The following CERS5 variants were observed in gnomAD, a reference collection of about 807,000 sequenced individuals.
CERS5 encodes ceramide synthase 5.
Under a neutral mutation model 58.9 loss-of-function variants are expected in CERS5, and 37 were observed. The observed-to-expected ratio is 0.63, with a 90% CI of 0.48 to 0.83. The LOEUF (loss-of-function observed/expected upper bound fraction) is 0.83. Among genes scored for constraint, CERS5 ranks in the 40% least tolerant of loss-of-function variants. CERS5 has a pLI of 0.00. For synonymous variants in CERS5, 147 were observed against 177.8 expected (o/e 0.83, Z 1.38); for missense variants, 398 against 489.3 (o/e 0.81, Z 1.76).
Position 50,137,771 on chromosome 12 carries a change from T to C in CERS5, c.593A>G (p.Tyr198Cys), listed in dbSNP as rs762848453. ...YHYYIMELAFYWSLMFSQFTD... is the reference protein window; with the variant it reads ...YHYYIMELAFCWSLMFSQFTD... ...AAACTGAGAAAACATAAGGGACCAA[T>C]AGAAGGCCAATTCCATGATATAATA... Residue 198 changes from tyrosine to cysteine, a missense_variant, in exon 6 of 10, where the codon TAT becomes TGT. Transcript: ENST00000317551. 1.9e-6 allele frequency: 3 copies of C among 1,610,566 alleles called. No individual in the cohort carries two copies. Among genetic ancestry groups the C allele is most frequent in the African/African-American group, 1.3e-5 (1 of 74,908 alleles).
intron 1 of CERS5, among the ~76,000 whole-genome samples, chr12:50,156,437 T>TATATATATATAA (rs1197474516): frequency 0.011 from 1,169 of 108,844 alleles, 105 homozygotes; most frequent in African/African-American, 0.028. Flanking sequence ...TATATATATA[T>TATATATATATAA]AAAACAATTA....
At chr12:50,130,816 AAAG>A (rs1951277486) in intron 9 of CERS5, 122 bp from the exon 10 acceptor site, 1 of 805,288 alleles carries the variant, frequency 1.2e-6, no homozygotes, top group Non-Finnish European at 1.9e-6. Context: ...CATCTAACTC[AAAG>A]AAGTATTGTC....
intron 1 of CERS5, among the ~76,000 whole-genome samples, chr12:50,154,730 A>G (rs553072072): frequency 6.6e-6 from 1 of 152,134 alleles, no homozygotes; most frequent in East Asian, 1.9e-4. Flanking sequence ...AGGTCTTGCT[A>G]TGTTACCCAC....
At chr12:50,132,932 A>G (rs1384976114) in intron 9 of CERS5, 1 of 1,288,730 alleles carries the variant, frequency 7.8e-7, no homozygotes, top group East Asian at 5.5e-5. Flanking sequence ...GACATGCCTC[A>G]CTGAATACTA....
intron 9 of CERS5, chr12:50,132,953 TAC>T: frequency 7.8e-7 from 1 of 1,288,926 alleles, no homozygotes; most frequent in Non-Finnish European, 1.0e-6. Flanking sequence ...GAAGCACAGA[TAC>T]ACTTACATGC....
At chr12:50,153,934 A>T (rs1308628745) in intron 1 of CERS5, 1 of 354,840 alleles carries the variant, frequency 2.8e-6, no homozygotes, top group South Asian at 1.9e-5. Context: ...AGCCTGGGCG[A>T]CAAGAGCAAA....
rs550208844 is a variant in CERS5, at chr12:50,145,862, A to G, written c.198-1805T>C. On this transcript the variant is annotated intron_variant, in intron 1 of 9. Transcript: ENST00000317551. ...AGTTGCTCAGTAACTGACAAGCAAC[A>G]TGTTTTAGTGAAACCCACTCTTGTT... 8.2e-4 allele frequency among the ~76,000 whole-genome samples: 125 copies of G among 152,338 alleles called. 1 individual carries two copies. Among genetic ancestry groups the G allele is most frequent in the Admixed American group, 7.9e-3 (121 of 15,296 alleles).
intron 9 of CERS5, chr12:50,133,136 G>C: frequency 1.6e-6 from 2 of 1,257,590 alleles, no homozygotes; most frequent in Non-Finnish European, 2.1e-6. Flanking sequence ...GGCACACTGA[G>C]CAAGTTCTGA....
In CERS5 at chr12:50,167,164, C is replaced by A. The variant is rs759691404; in HGVS notation, c.134G>T (p.Arg45Leu). The A allele has an allele frequency of 6.3e-7, 1 of 1,598,828 alleles. No individual in the cohort carries two copies. Among genetic ancestry groups the A allele is most frequent in the Admixed American group, 1.7e-5 (1 of 58,466 alleles). ...CAGCGGGAACACCGAGAGGATGTGC[C>A]GGCCGCGGGGGTAACCGTAGCCGTC... Reference protein sequence around the residue: ...PADGYGYPRGRHILSVFPLAA... With the variant: ...PADGYGYPRGLHILSVFPLAA... The change falls in exon 1 of 10, where the codon CGG (arginine) becomes CTG (leucine). Residue 45 changes from arginine (R) to leucine (L), a missense_variant. Around this residue, in one of 3 missense-constraint regions of CERS5, gnomAD observed 328 missense variants for 384.5 expected, o/e 0.85. Transcript: ENST00000317551.
intron 1 of CERS5, chr12:50,166,132 G>T (rs1254033645): frequency 7.7e-6 from 2 of 260,488 alleles, no homozygotes; most frequent in Non-Finnish European, 1.5e-5. Flanking sequence ...AGACCAGCCT[G>T]GCCAACATGG....
intron 1 of CERS5, among the ~76,000 whole-genome samples, chr12:50,161,869 CTTTTTTT>C (rs765766688): frequency 3.0e-5 from 2 of 67,306 alleles, no homozygotes; most frequent in Non-Finnish European, 4.9e-5. Flanking sequence ...TGTTCTTCTT[CTTTTTTT>C]TTTTTTTTTT....
intron 1 of CERS5, among the ~76,000 whole-genome samples, chr12:50,146,409 C>T (rs1308057244): frequency 6.6e-6 from 1 of 152,118 alleles, no homozygotes; most frequent in Non-Finnish European, 1.5e-5. Context: ...CTGCTCACCT[C>T]GGTGAAGCCA....
intron 9 of CERS5, 153 bp downstream of exon 9, chr12:50,134,393 C>T: frequency 1.3e-6 from 2 of 1,581,494 alleles, no homozygotes; most frequent in African/African-American, 1.4e-5. Context: ...AAAGGCAAAA[C>T]ACTTACCGAA....
chr12:50,158,666 G>A (rs1306761274), intron 1 of CERS5, among the ~76,000 whole-genome samples: 1 of 152,112 alleles, frequency 6.6e-6, no homozygotes, highest in East Asian at 1.9e-4. Flanking sequence ...ACTGATTTCT[G>A]GGGAATCAGT....
intron 1 of CERS5, among the ~76,000 whole-genome samples, chr12:50,164,094 G>C (rs1939608431): frequency 6.6e-6 from 1 of 151,488 alleles, no homozygotes; most frequent in African/African-American, 2.4e-5. Context: ...TGAGTAGCTG[G>C]GATTACAGGC....
intron 1 of CERS5, chr12:50,144,831 TA>T: frequency 6.6e-7 from 1 of 1,506,018 alleles, no homozygotes; most frequent in South Asian, 1.2e-5. Flanking sequence ...CCCAAGGATT[TA>T]AATTTTTAAA....
At chr12:50,160,628 C>T (rs1056484155) in intron 1 of CERS5, among the ~76,000 whole-genome samples, 8 of 152,162 alleles carry the variant, frequency 5.3e-5, no homozygotes, top group Non-Finnish European at 1.2e-4. Flanking sequence ...ATAAATGAAC[C>T]TATATAGATC....
intron 4 of CERS5, among the ~76,000 whole-genome samples, chr12:50,140,668 T>C (rs544291336): frequency 3.3e-5 from 5 of 152,188 alleles, no homozygotes; most frequent in African/African-American, 4.8e-5. Flanking sequence ...TTCTTTAAGA[T>C]TTCAATATTT....
chr12:50,142,397 A>C (rs1391754573), intron 3 of CERS5, among the ~76,000 whole-genome samples: 2 of 152,090 alleles, frequency 1.3e-5, no homozygotes, highest in Non-Finnish European at 2.9e-5. Context: ...TACGAATACA[A>C]AAATTAGCTG....
Sources: allele counts gnomAD v4.1 joint callset (sites outside exome capture counted in the v4.1 genomes callset), GRCh38; gene constraint gnomAD v4.1.1; regional missense constraint gnomAD v4.1.1; transcripts MANE v1.5; gene names NCBI Gene and HGNC (gene_info 2026-07-23, HGNC 2026-07-21).